Variants in CRYL1 observed in about 807,000 individuals in gnomAD.
CRYL1 encodes crystallin lambda 1, also known as lambda-crystallin homolog.
In CRYL1, 29 loss-of-function variants were observed where a neutral mutation model predicts 36.6. The ratio of observed to expected loss-of-function variants is 0.79; its 90% CI spans 0.59 to 1.08. The LOEUF (loss-of-function observed/expected upper bound fraction) is 1.08. Ranked by LOEUF, CRYL1 falls within the 50% of genes least tolerant of loss-of-function variation. The pLI, the probability that CRYL1 is intolerant of heterozygous loss-of-function variation, is 0.00. For missense variants in CRYL1, 411 were observed against 407.9 expected (o/e 1.01, Z -0.06); for synonymous variants, 152 against 151.5 (o/e 1.00, Z -0.02).
intron 3 of CRYL1, among the ~76,000 whole-genome samples, chr13:20,465,705 A>T (rs1361922247): frequency 1.3e-5 from 2 of 152,130 alleles, no homozygotes; most frequent in Non-Finnish European, 1.5e-5. Flanking sequence ...CTTGGCAAAG[A>T]CCTGGCCCTG....
intron 5 of CRYL1, among the ~76,000 whole-genome samples, chr13:20,422,135 G>T (rs1012852720): frequency 6.6e-6 from 1 of 152,064 alleles, no homozygotes; most frequent in East Asian, 1.9e-4. Flanking sequence ...AAGGCAGGCC[G>T]ATCATTTGAG....
intron 5 of CRYL1, among the ~76,000 whole-genome samples, chr13:20,422,478 T>C (rs1295952263): frequency 2.6e-5 from 4 of 152,068 alleles, no homozygotes; most frequent in African/African-American, 9.7e-5. Context: ...TCTGCACTAC[T>C]CTAGAGAGAA....
chr13:20,432,112 C>T lies in CRYL1; in HGVS notation c.623G>A (p.Arg208Gln), dbSNP rs747838743. ...GACGGGCACACACACCTCCACTAGC[C>T]GCCAGGCCTCGCTGATGATTGCATA... is the stretch of plus-strand genomic sequence containing the variant. Reference protein sequence around the residue: ...LQYAIISEAWRLVEEGIVSPS... With the variant: ...LQYAIISEAWQLVEEGIVSPS... The change falls in exon 5 of 8, where the codon CGG becomes CAG. Residue 208 changes from arginine (R) to glutamine (Q), a missense_variant. Physicochemically the swap from Arg to Gln is conservative, Grantham distance 43. Coordinates refer to ENST00000298248, the MANE Select transcript of CRYL1 (RefSeq NM_015974.3). The T allele has an allele frequency of 5.6e-6, 9 of 1,613,956 alleles. No homozygotes were observed. Among genetic ancestry groups the T allele is most frequent in the East Asian group, 2.2e-5 (1 of 44,888 alleles).
intron 3 of CRYL1, among the ~76,000 whole-genome samples, chr13:20,486,720 T>C (rs909669823): frequency 3.3e-5 from 5 of 152,222 alleles, no homozygotes; most frequent in African/African-American, 4.8e-5. Context: ...TGTCATGCCT[T>C]GTAAATACAC....
intron 3 of CRYL1, among the ~76,000 whole-genome samples, chr13:20,449,308 A>C (rs367957166): frequency 4.7e-4 from 71 of 152,366 alleles, no homozygotes; most frequent in African/African-American, 1.7e-3. Context: ...GGCACAAAGA[A>C]TGTGAAGCAG....
intron 2 of CRYL1, among the ~76,000 whole-genome samples, chr13:20,499,300 C>A (rs909226866): frequency 4.7e-5 from 7 of 147,708 alleles, no homozygotes; most frequent in African/African-American, 1.5e-4. Flanking sequence ...GAGCCAAGAT[C>A]GCATCAGTGC....
intron 3 of CRYL1, among the ~76,000 whole-genome samples, chr13:20,450,579 G>A (rs940497140): frequency 6.6e-6 from 1 of 152,216 alleles, no homozygotes; most frequent in Non-Finnish European, 1.5e-5. Flanking sequence ...TGGAGAGGAT[G>A]TGGGGAAATA....
chr13:20,469,456 C>T (rs989287358), intron 3 of CRYL1, among the ~76,000 whole-genome samples: 8 of 152,164 alleles, frequency 5.3e-5, no homozygotes, highest in South Asian at 2.1e-4. Context: ...ATCATATTTA[C>T]CAGTCAGGAT....
In CRYL1 at chr13:20,474,726, CA is replaced by C. The variant is rs757046262; in HGVS notation, c.276+14643del. ...TGGCTCAGCTGTGTCCAGGGGGACA[CA>C]CACAACCTTCCTCTCCCCTCCCAGG... is the stretch of plus-strand genomic sequence containing the variant. On this transcript the variant is annotated intron_variant, in intron 3 of 7. Transcript: ENST00000298248. 9.6e-4 allele frequency among the ~76,000 whole-genome samples: 146 copies of C among 152,280 alleles called. 1 individual carries two copies. The highest frequency in any genetic ancestry group is 8.1e-4 in the Non-Finnish European group (55 of 68,018).
intron 2 of CRYL1, among the ~76,000 whole-genome samples, chr13:20,497,184 G>T (rs2033618834): frequency 6.6e-6 from 1 of 151,918 alleles, no homozygotes; most frequent in South Asian, 2.1e-4. Context: ...AGAGGCCGTT[G>T]GGGGGTGCTA....
intron 5 of CRYL1, among the ~76,000 whole-genome samples, chr13:20,420,709 G>T (rs367665793): frequency 0.39 from 13,336 of 34,294 alleles, 3,129 homozygotes; most frequent in Non-Finnish European, 0.51. Context: ...GGTTGTGTGT[G>T]TGTGTGTGTG....
rs1169842969 is a variant in CRYL1, at chr13:20,489,565, A to T, written c.150-69T>A. The T allele has an allele frequency of 5.1e-6, 8 of 1,561,264 alleles. No individual in the cohort carries two copies. In the East Asian group the frequency reaches 1.6e-4, roughly 31 times the overall value. ...CATTTAAAAACAGATAAAGCCCAAC[A>T]TCAGGAATCATCAGGGAAATGCCAA... On this transcript the variant is annotated intron_variant, in intron 2 of 7. Coordinates refer to ENST00000298248, the MANE Select transcript of CRYL1 (RefSeq NM_015974.3).
intron 2 of CRYL1, among the ~76,000 whole-genome samples, chr13:20,508,866 A>C (rs1282038332): frequency 3.1e-5 from 1 of 32,268 alleles, no homozygotes; most frequent in African/African-American, 1.0e-4. Flanking sequence ...AAAAAAAAAA[A>C]AAAAAAAAAC....
chr13:20,431,744 G>A (rs1460253892), intron 5 of CRYL1: 2 of 1,171,820 alleles, frequency 1.7e-6, no homozygotes, highest in Non-Finnish European at 2.1e-6. Flanking sequence ...TTTTCCTTTT[G>A]AAAAATTATA....
chr13:20,459,167 C>T (rs540164825), intron 3 of CRYL1, among the ~76,000 whole-genome samples: 93 of 138,252 alleles, frequency 6.7e-4, no homozygotes, highest in African/African-American at 2.3e-3. Context: ...TCCCGGGAGG[C>T]GGAGCTTGCA....
chr13:20,413,836 T>TA (rs761275981), intron 5 of CRYL1, among the ~76,000 whole-genome samples: 1 of 152,172 alleles, frequency 6.6e-6, no homozygotes, highest in Non-Finnish European at 1.5e-5. Flanking sequence ...CAACCTATGA[T>TA]AGTGTTTTGA....
At chr13:20,439,522 A>C in intron 4 of CRYL1, 71 bp downstream of exon 4, 1 of 937,872 alleles carries the variant, frequency 1.1e-6, no homozygotes. Context: ...CGCAAAAAAA[A>C]AAAAAAAAGA....
intron 1 of CRYL1, among the ~76,000 whole-genome samples, chr13:20,516,508 C>A (rs2034000402): frequency 6.6e-6 from 1 of 151,724 alleles, no homozygotes; most frequent in South Asian, 2.1e-4. Context: ...GAAATGGAGT[C>A]TTGCTCTGTC....
At chr13:20,511,348 T>C (rs1008933290) in intron 2 of CRYL1, among the ~76,000 whole-genome samples, 2 of 152,086 alleles carry the variant, frequency 1.3e-5, no homozygotes, top group Admixed American at 6.6e-5. Flanking sequence ...CACCTCAGCC[T>C]CCCAAAGTGC....
Sources: allele counts gnomAD v4.1 joint callset (sites outside exome capture counted in the v4.1 genomes callset), GRCh38; gene constraint gnomAD v4.1.1; transcripts MANE v1.5; gene names NCBI Gene and HGNC (gene_info 2026-07-23, HGNC 2026-07-21).